Variants in TADA3 observed in about 807,000 individuals in gnomAD.
TADA3 encodes the protein transcriptional adaptor 3.
TADA3 carries 25 observed loss-of-function variants against 43.2 expected under a neutral mutation model. The observed-to-expected ratio is 0.58, with a 90% CI of 0.42 to 0.81. The LOEUF (loss-of-function observed/expected upper bound fraction) is 0.81. TADA3 is among the 30% of genes least tolerant of loss of function. The pLI, the probability that TADA3 is intolerant of heterozygous loss-of-function variation, is 0.00. For missense variants in TADA3, 441 were observed against 567.8 expected (o/e 0.78, Z 2.27); for synonymous variants, 235 against 225.5 (o/e 1.04, Z -0.38).
At chr3:9,781,455 G>C (rs917954206) in intron 8 of TADA3, 5 of 447,618 alleles carry the variant, frequency 1.1e-5, no homozygotes, top group African/African-American at 2.0e-5. Flanking sequence ...CAGTTAGTGA[G>C]GGGGAGATCT....
chr3:9,792,674 C>A (rs2078768425), upstream of TADA3: 3 of 1,232,804 alleles, frequency 2.4e-6, no homozygotes, highest in Non-Finnish European at 3.0e-6. Context: ...CTCCGCGCTG[C>A]AGTTAGCCCC....
intron 6 of TADA3, among the ~76,000 whole-genome samples, chr3:9,786,342 G>A (rs1575302129): frequency 6.6e-6 from 1 of 152,284 alleles, no homozygotes; most frequent in African/African-American, 2.4e-5. Flanking sequence ...GATGATATGA[G>A]ATAGAGACCT....
chr3:9,780,288 C>A lies in TADA3; in HGVS notation c.*69G>T, dbSNP rs2078428594. 18 of 1,502,466 alleles carry A rather than the reference C, an allele frequency of 1.2e-5. No individual in the cohort carries two copies. The highest frequency in any genetic ancestry group is 1.5e-5 in the Non-Finnish European group (17 of 1,111,840). 93.1% of individuals were successfully genotyped at this position (1,502,466 alleles called of 1,614,324 possible). Reference sequence around the variant, plus strand: ...AGCCACAGGCCAATGTTTCCTGTGCCCAAAGAAGGAAGTGGGCCTCCCTTC... The same window carrying A: ...AGCCACAGGCCAATGTTTCCTGTGCACAAAGAAGGAAGTGGGCCTCCCTTC... On this transcript the variant is annotated 3_prime_UTR_variant, in exon 9 of 9. Coordinates refer to ENST00000301964, the MANE Select transcript of TADA3 (RefSeq NM_006354.5).
At chr3:9,785,293 G>C (rs758265611) in intron 7 of TADA3, 23 bp downstream of exon 7, 1 of 1,579,828 alleles carries the variant, frequency 6.3e-7, no homozygotes, top group Non-Finnish European at 8.7e-7. Context: ...CAGACTGTGG[G>C]TTGTGGATAG....
In TADA3 at chr3:9,786,551, G is replaced by A. The variant is rs74995225; in HGVS notation, c.810+455C>T. Among the ~76,000 whole-genome samples, 330 of 152,300 alleles carry A rather than the reference G, an allele frequency of 2.2e-3. 2 individuals are homozygous for A. Among genetic ancestry groups the A allele is most frequent in the Non-Finnish European group, 3.9e-3 (262 of 68,022 alleles). ...AATCCTGGTGTGTGAGACCTCAAGT[G>A]AACAGTTCCCTTTTCTGAGCCTCAA... On this transcript the variant is annotated intron_variant, in intron 6 of 8. Coordinates refer to ENST00000301964, the MANE Select transcript of TADA3 (RefSeq NM_006354.5).
At chr3:9,792,713 G>T (rs925885684), upstream of TADA3, 12 of 1,234,382 alleles carry the variant, frequency 9.7e-6, no homozygotes, top group Non-Finnish European at 2.0e-6. Flanking sequence ...CGGGTAGGAG[G>T]GGCGAGAGAA....
At position 9,789,757 on chromosome 3, in the gene TADA3, G is replaced by T; in HGVS notation, c.414C>A (p.Asp138Glu). Residue 138 changes from aspartate (D) to glutamate (E), a missense_variant, in exon 3 of 9, where the codon GAC (aspartate) becomes GAA (glutamate). Asp to Glu is a conservative substitution (Grantham distance 45, BLOSUM62 2). Coordinates refer to ENST00000301964, the MANE Select transcript of TADA3 (RefSeq NM_006354.5). ...PKIQEYEFTD[D>E]PIDVPRIPKN... ...TGGGGATCCGTGGCACGTCGATAGG[G>T]TCATCAGTGAATTCATATTCCTGGA... The T allele has an allele frequency of 6.2e-7, 1 of 1,614,208 alleles. No individual in the cohort carries two copies. Among genetic ancestry groups the T allele is most frequent in the Non-Finnish European group, 8.5e-7 (1 of 1,180,040 alleles).
At chr3:9,789,418 A>G in intron 4 of TADA3, 91 bp downstream of exon 4, 1 of 1,201,570 alleles carries the variant, frequency 8.3e-7, no homozygotes, top group Non-Finnish European at 1.2e-6. Flanking sequence ...TTGGGGAAGG[A>G]AGATGATGCA....
At chr3:9,788,728 C>T (rs566114493) in intron 4 of TADA3, among the ~76,000 whole-genome samples, 6 of 151,756 alleles carry the variant, frequency 4.0e-5, no homozygotes, top group East Asian at 1.9e-4. Flanking sequence ...TTAGTAGAGA[C>T]GGCGTTTCAC....
chr3:9,783,551 G>C (rs1318050996), intron 8 of TADA3: 1 of 152,662 alleles, frequency 6.6e-6, no homozygotes, highest in African/African-American at 2.4e-5. Context: ...GCCGAGGCGG[G>C]TGGATCACGA....
At chr3:9,784,357 G>C (rs2078554434) in intron 7 of TADA3, 144 bp from the exon 8 acceptor site, 2 of 1,089,426 alleles carry the variant, frequency 1.8e-6, no homozygotes, top group Non-Finnish European at 1.3e-6. Flanking sequence ...TACAAAGGGA[G>C]GGACAGACAC....
rs558825765 is a variant in TADA3 at position 9,791,197 on chromosome 3, A to G, written c.207+63T>C. The G allele has an allele frequency of 1.2e-5, 18 of 1,523,802 alleles. No individual in the cohort carries two copies. The South Asian group carries it at 1.8e-4, about 16-fold the overall frequency. 94.4% of individuals were successfully genotyped at this position (1,523,802 alleles called of 1,614,324 possible). A position where few individuals can be genotyped will look rare whatever the true frequency, so the allele number is the denominator to read the frequency against. ...AGTCTCAGCATATGGGGCTAACTCA[A>G]TGACCCATCCCATAACTTGTTGCAG... is the stretch of plus-strand genomic sequence containing the variant. On this transcript the variant is annotated intron_variant, in intron 2 of 8. Coordinates refer to ENST00000301964, the MANE Select transcript of TADA3 (RefSeq NM_006354.5).
At chr3:9,784,528 C>T (rs964056287) in intron 7 of TADA3, among the ~76,000 whole-genome samples, 1 of 151,866 alleles carries the variant, frequency 6.6e-6, no homozygotes, top group African/African-American at 2.4e-5. Flanking sequence ...TCTTTTGCTA[C>T]ATATTAGTCC....
intron 6 of TADA3, among the ~76,000 whole-genome samples, chr3:9,786,304 A>G (rs1023306485): frequency 1.2e-4 from 18 of 152,148 alleles, no homozygotes; most frequent in African/African-American, 4.3e-4. Flanking sequence ...GCAGACTGCA[A>G]GGCCACCGTC....
intron 8 of TADA3, 105 bp from the exon 9 acceptor site, chr3:9,780,654 T>G: frequency 8.2e-7 from 1 of 1,226,782 alleles, no homozygotes; most frequent in Non-Finnish European, 1.1e-6. Context: ...GGCATGCCTG[T>G]GGATTGTGTC....
chr3:9,781,059 G>A (rs982992157), intron 8 of TADA3, among the ~76,000 whole-genome samples: 1 of 151,938 alleles, frequency 6.6e-6, no homozygotes, highest in African/African-American at 2.4e-5. Flanking sequence ...GAGGCCAGGA[G>A]TTCAAGGTTA....
At position 9,784,017 on chromosome 3, in the gene TADA3, C is replaced by T; in HGVS notation, c.1106+11G>A. 6.2e-7 allele frequency: 1 copy of T among 1,611,796 alleles called. No individual in the cohort carries two copies. ...GCCACCCCCGGGACTGTGCATCCTG[C>T]TAACGCTCACCTCAGCAGGTCGTGC... On this transcript the variant is annotated intron_variant, in intron 8 of 8. Coordinates refer to ENST00000301964, the MANE Select transcript of TADA3 (RefSeq NM_006354.5).
At chr3:9,783,353 CTT>C (rs1448938816) in intron 8 of TADA3, 3 of 151,490 alleles carry the variant, frequency 2.0e-5, no homozygotes, top group African/African-American at 4.9e-5. Context: ...CAGTTTCACT[CTT>C]GTTGCCCAGG....
rs752002560 is a variant in TADA3, at chr3:9,780,526, C to T, written c.1130G>A (p.Arg377Gln). 1.7e-5 allele frequency: 27 copies of T among 1,604,698 alleles called. No individual in the cohort carries two copies. Among genetic ancestry groups the T allele is most frequent in the Non-Finnish European group, 1.7e-5 (20 of 1,179,818 alleles). Residue 377 changes from arginine to glutamine, a missense_variant, in exon 9 of 9, where the codon CGG (arginine) becomes CAG (glutamine). Transcript: ENST00000301964. ...GCGCACCCGCTGCCTCAGCTCCTGC[C>T]GGCTCACCTCCTCCTTTGCCAGCCT... is the stretch of plus-strand genomic sequence containing the variant. ...LLRLAKEEVS[R>Q]QELRQRVRMA...
Sources: allele counts gnomAD v4.1 joint callset (sites outside exome capture counted in the v4.1 genomes callset), GRCh38; gene constraint gnomAD v4.1.1; transcripts MANE v1.5; gene names NCBI Gene and HGNC (gene_info 2026-07-23, HGNC 2026-07-21).